The following MYOM1 variants were observed in gnomAD, a reference collection of about 807,000 sequenced individuals.
The protein encoded by MYOM1 is myomesin 1.
A neutral mutation model predicts 205.3 loss-of-function variants in MYOM1; 164 were observed. The observed-to-expected ratio is 0.80, with a 90% CI of 0.70 to 0.91. The LOEUF is 0.91. Ranked by LOEUF, MYOM1 falls within the 40% of genes least tolerant of loss-of-function variation. The probability of loss-of-function intolerance (pLI) is 0.00; values close to 1 mark genes in which losing one functional copy is unlikely to be tolerated. For missense variants in MYOM1, 2,011 were observed against 2,127.3 expected (o/e 0.95, Z 1.08); for synonymous variants, 772 against 789.4 (o/e 0.98, Z 0.37).
At chr18:3,211,228 A>G (rs2081187073) in intron 2 of MYOM1, among the ~76,000 whole-genome samples, 1 of 152,218 alleles carries the variant, frequency 6.6e-6, no homozygotes, top group Non-Finnish European at 1.5e-5. Flanking sequence ...TGCTTTCCAT[A>G]ATACCACCTT....
chr18:3,089,380 T>C, intron 28 of MYOM1, 139 bp from the exon 29 acceptor site: 1 of 805,928 alleles, frequency 1.2e-6, no homozygotes, highest in South Asian at 2.2e-5. Context: ...TATTTTAATG[T>C]CTACATATTT....
At chr18:3,116,256 T>G in intron 21 of MYOM1, 75 bp downstream of exon 21, 3 of 1,460,744 alleles carry the variant, frequency 2.1e-6, no homozygotes, top group Non-Finnish European at 2.8e-6. Context: ...ATATTCTGTT[T>G]TATCTTGCTA....
chr18:3,131,397 A>G lies in MYOM1; in HGVS notation c.2484T>C (p.Ala828=), dbSNP rs2079873859. ...TACCAATAGCAGCTTTGACTTCAAT[A>G]GCTTCTGAATCCTGGGAATATTCAC... ...GLSEYSQDSE[A]IEVKAAIGGG... Residue 828 remains alanine, a synonymous_variant, in exon 17 of 38, where the codon GCT becomes GCC. Coordinates refer to ENST00000356443, the MANE Select transcript of MYOM1 (RefSeq NM_003803.4). 1.2e-6 allele frequency: 2 copies of G among 1,613,802 alleles called. No homozygotes were observed. Among genetic ancestry groups the G allele is most frequent in the Non-Finnish European group, 1.7e-6 (2 of 1,179,848 alleles).
chr18:3,160,102 C>T (rs200892775), intron 10 of MYOM1, among the ~76,000 whole-genome samples: 197 of 146,592 alleles, frequency 1.3e-3, no homozygotes, highest in African/African-American at 4.4e-3. Context: ...TTCTCCTCCT[C>T]CTTCTTCTTC....
chr18:3,127,305 A>ATATATATATATAT (rs56880961), intron 18 of MYOM1, among the ~76,000 whole-genome samples: 32 of 47,568 alleles, frequency 6.7e-4, no homozygotes, highest in African/African-American at 1.6e-3. Flanking sequence ...ATATATATAT[A>ATATATATATATAT]TTTTTTTTTT....
At chr18:3,229,741 A>C in the MYOM1 span, among the ~76,000 whole-genome samples, 96 of 152,276 alleles carry the variant, frequency 6.3e-4, no homozygotes, top group Middle Eastern at 0.01. Context: ...AGGTCAAGGC[A>C]TGCGGATCAC....
At position 3,202,522 on chromosome 18, in the gene MYOM1, T is replaced by C. The variant is rs536222176; in HGVS notation, c.291-8564A>G. ...CCATGCAAATGGTAAGCTATAGTAA[T>C]ATAAAACATAATATACTTTACATCA... On this transcript the variant is annotated intron_variant, in intron 2 of 37. Coordinates refer to ENST00000356443, the MANE Select transcript of MYOM1 (RefSeq NM_003803.4). Among the ~76,000 whole-genome samples the C allele has an allele frequency of 4.9e-4, 75 of 152,218 alleles. 2 individuals carry two copies. In the South Asian group the frequency reaches 0.015, roughly 30 times the overall value.
chr18:3,119,285 A>G (rs993180682), intron 20 of MYOM1, among the ~76,000 whole-genome samples: 4 of 152,156 alleles, frequency 2.6e-5, no homozygotes, highest in African/African-American at 9.7e-5. Flanking sequence ...GCAGAGAGGC[A>G]AGCGGAGAGA....
chr18:3,131,312 A>C, intron 17 of MYOM1, 63 bp downstream of exon 17: 1 of 1,575,212 alleles, frequency 6.3e-7, no homozygotes, highest in Non-Finnish European at 8.7e-7. Flanking sequence ...AGAGGATGGT[A>C]TCTTCCTTTC....
At chr18:3,073,593 C>T (rs532712597) in intron 36 of MYOM1, among the ~76,000 whole-genome samples, 1 of 152,344 alleles carries the variant, frequency 6.6e-6, no homozygotes, top group African/African-American at 2.4e-5. Flanking sequence ...CTGTGTTGGC[C>T]TCAGTCTCCT....
At chr18:3,197,781 G>A (rs939875296) in intron 2 of MYOM1, among the ~76,000 whole-genome samples, 1 of 152,044 alleles carries the variant, frequency 6.6e-6, no homozygotes, top group African/African-American at 2.4e-5. Context: ...GCTGAGGCAG[G>A]AGAATGGCGT....
At chr18:3,169,006 A>G in intron 8 of MYOM1, 25 bp from the exon 9 acceptor site, 1 of 1,587,670 alleles carries the variant, frequency 6.3e-7, no homozygotes, top group South Asian at 1.1e-5. Context: ...AACAAATATC[A>G]GTAATTTTTT....
intron 20 of MYOM1, among the ~76,000 whole-genome samples, chr18:3,116,732 G>C (rs1250853508): frequency 6.6e-6 from 1 of 152,172 alleles, no homozygotes; most frequent in African/African-American, 2.4e-5. Context: ...TGGCAGGTAG[G>C]TAAGGCCACT....
In MYOM1 at chr18:3,075,729, A is replaced by C; in HGVS notation, c.4681T>G (p.Leu1561Val). ...YDEAYAEFQRLKQAAIAEKNR... is the reference protein window; with the variant it reads ...YDEAYAEFQRVKQAAIAEKNR... ...TTGCTAGGACCAGGGACTTACTTCA[A>C]CCTCTGGAATTCAGCATAGGCCTCA... Residue 1561 changes from leucine (L) to valine (V), a missense_variant, in exon 35 of 38, where the codon TTG becomes GTG. Physicochemically the swap from Leu to Val is conservative, Grantham distance 32. Coordinates refer to ENST00000356443, the MANE Select transcript of MYOM1 (RefSeq NM_003803.4). 1 of 1,601,004 alleles carries C rather than the reference A, an allele frequency of 6.2e-7. No homozygotes were observed. Among genetic ancestry groups the C allele is most frequent in the Non-Finnish European group, 8.5e-7 (1 of 1,172,904 alleles).
intron 30 of MYOM1, 36 bp downstream of exon 30, chr18:3,086,002 G>C: frequency 7.6e-7 from 1 of 1,316,866 alleles, no homozygotes; most frequent in Non-Finnish European, 1.1e-6. Flanking sequence ...AGGGTAGAGA[G>C]CTAATATATT....
In MYOM1 at chr18:3,080,860, G is replaced by T. The variant is rs569474464; in HGVS notation, c.4485-1518C>A. On this transcript the variant is annotated intron_variant, in intron 33 of 37. Transcript: ENST00000356443. ...CTTAGAGAGTTAAACAGGGCCGGGC[G>T]TGGTGGCTCACGCCTGTAATCCCAG... Among the ~76,000 whole-genome samples, 5 of 152,162 alleles carry T rather than the reference G, an allele frequency of 3.3e-5. No individual in the cohort carries two copies. In the South Asian group the frequency reaches 1.0e-3, roughly 32 times the overall value.
At chr18:3,149,055 T>C in intron 13 of MYOM1, 90 bp downstream of exon 13, 1 of 992,584 alleles carries the variant, frequency 1.0e-6, no homozygotes, top group African/African-American at 1.6e-5. Context: ...CCAAAACATC[T>C]TAAGCAATAC....
chr18:3,215,033 G>A lies in MYOM1; in HGVS notation c.191C>T (p.Ala64Val). 1.2e-6 allele frequency: 2 copies of A among 1,612,566 alleles called. No homozygotes were observed. The highest frequency in any genetic ancestry group is 1.7e-6 in the Non-Finnish European group (2 of 1,179,358). The change falls in exon 2 of 38, where the codon GCG (alanine) becomes GTG (valine). Residue 64 changes from alanine to valine, a missense_variant. By Grantham distance (64) the Ala-to-Val change is moderately conservative. Coordinates refer to ENST00000356443, the MANE Select transcript of MYOM1 (RefSeq NM_003803.4). ...CTGCTGCTGGGAGGAGGAGGCGGAC[G>A]CCCGACGGAAGGCCTCGGACTCCCG... Reference protein sequence around the residue: ...HRRESEAFRRASASSSQQQAS... With the variant: ...HRRESEAFRRVSASSSQQQAS...
chr18:3,175,967 G>A, intron 6 of MYOM1, 75 bp downstream of exon 6: 2 of 860,654 alleles, frequency 2.3e-6, no homozygotes, highest in South Asian at 2.8e-5. Context: ...AGTGGGGAGA[G>A]TGGCTGTTAA....
Sources: allele counts gnomAD v4.1 joint callset (sites outside exome capture counted in the v4.1 genomes callset), GRCh38; gene constraint gnomAD v4.1.1; transcripts MANE v1.5; gene names NCBI Gene and HGNC (gene_info 2026-07-23, HGNC 2026-07-21).